Variants in ATP2B1 observed in about 807,000 individuals in gnomAD.
The protein encoded by ATP2B1 is plasma membrane calcium-transporting ATPase 1.
In ATP2B1, 14 loss-of-function variants were observed where a neutral mutation model predicts 124.2. The ratio of observed to expected loss-of-function variants is 0.11; its 90% CI spans 0.07 to 0.18. ATP2B1 has a LOEUF of 0.18. Among genes scored for constraint, ATP2B1 ranks in the 10% least tolerant of loss-of-function variants. The pLI is 1.00. For missense variants in ATP2B1, 763 were observed against 1,466.1 expected (o/e 0.52, Z 7.83); for synonymous variants, 449 against 492.4 (o/e 0.91, Z 1.17).
intron 1 of ATP2B1, among the ~76,000 whole-genome samples, chr12:89,686,927 C>T (rs952450609): frequency 6.6e-6 from 1 of 151,942 alleles, no homozygotes; most frequent in African/African-American, 2.4e-5. Flanking sequence ...TAATATAATA[C>T]TCCTCCTGGG....
At chr12:89,614,322 T>C (rs1420628751) in intron 12 of ATP2B1, among the ~76,000 whole-genome samples, 1 of 152,100 alleles carries the variant, frequency 6.6e-6, no homozygotes, top group African/African-American at 2.4e-5. Flanking sequence ...CTGGGCAACA[T>C]AGGAAGACTC....
intron 1 of ATP2B1, among the ~76,000 whole-genome samples, chr12:89,664,945 C>A (rs57080948): frequency 2.0e-5 from 3 of 151,524 alleles, no homozygotes; most frequent in African/African-American, 7.3e-5. Context: ...TGGGTTCAAG[C>A]GATTCTCATG....
At chr12:89,650,398 C>T (rs1364308041) in intron 2 of ATP2B1, among the ~76,000 whole-genome samples, 1 of 152,084 alleles carries the variant, frequency 6.6e-6, no homozygotes, top group Non-Finnish European at 1.5e-5. Flanking sequence ...CGTCACTGTG[C>T]ACTAGACATA....
chr12:89,648,924 G>A (rs1884871419), intron 2 of ATP2B1, among the ~76,000 whole-genome samples: 3 of 152,254 alleles, frequency 2.0e-5, no homozygotes, highest in African/African-American at 7.2e-5. Context: ...CACAGCTCTG[G>A]AGGGTGCAAG....
intron 1 of ATP2B1, among the ~76,000 whole-genome samples, chr12:89,707,701 G>C (rs1301735684): frequency 4.6e-5 from 7 of 152,162 alleles, no homozygotes; most frequent in Non-Finnish European, 1.5e-5. Flanking sequence ...AGCGCACAGG[G>C]TGCGAGCACT....
In ATP2B1 at chr12:89,650,669, A is replaced by C. The variant is rs11830875; in HGVS notation, c.208+5010T>G. Reference sequence around the variant, plus strand: ...AGAATACCACTTGGCACCTGCCTTTAATTTTTATGAATTCATTTATAAAAA... The same window carrying C: ...AGAATACCACTTGGCACCTGCCTTTCATTTTTATGAATTCATTTATAAAAA... On this transcript the variant is annotated intron_variant, in intron 2 of 20. Coordinates refer to ENST00000428670, the MANE Select transcript of ATP2B1 (RefSeq NM_001366521.1). Among the ~76,000 whole-genome samples the C allele has an allele frequency of 6.1e-3, 934 of 152,250 alleles. 15 individuals are homozygous for C. Among genetic ancestry groups the C allele is most frequent in the African/African-American group, 0.022 (913 of 41,540 alleles).
intron 1 of ATP2B1, among the ~76,000 whole-genome samples, chr12:89,672,404 A>G (rs1254517779): frequency 6.6e-6 from 1 of 152,144 alleles, no homozygotes; most frequent in Non-Finnish European, 1.5e-5. Context: ...CAGTGAGCTG[A>G]TATCACGCTA....
At chr12:89,673,828 C>G (rs1359912367) in intron 1 of ATP2B1, among the ~76,000 whole-genome samples, 1 of 152,080 alleles carries the variant, frequency 6.6e-6, no homozygotes, top group Non-Finnish European at 1.5e-5. Flanking sequence ...ACCAGTGGTA[C>G]AGGGGGTGTC....
chr12:89,603,386 G>A lies in ATP2B1; in HGVS notation c.2849-132C>T. Reference sequence around the variant, plus strand: ...AGCATGGAAGGAGCTAGAGAAACCTGGGATTATCTAGTACAACTCTCTTGT... The same window carrying A: ...AGCATGGAAGGAGCTAGAGAAACCTAGGATTATCTAGTACAACTCTCTTGT... On this transcript the variant is annotated intron_variant, in intron 17 of 20. Transcript: ENST00000428670. This position sits in a 1 kb window ranked among gnomAD's most constrained non-coding sequence, Gnocchi z 4.3. 5 of 765,112 alleles carry A rather than the reference G, an allele frequency of 6.5e-6. No individual in the cohort carries two copies. The highest frequency in any genetic ancestry group is 1.0e-5 in the Non-Finnish European group (5 of 489,706). The allele number at this position is 765,112 out of a possible 1,614,324, so 47.4% of individuals were successfully genotyped here.
chr12:89,667,998 G>C (rs1192037228), intron 1 of ATP2B1, among the ~76,000 whole-genome samples: 9 of 152,150 alleles, frequency 5.9e-5, no homozygotes, highest in East Asian at 5.8e-4. Flanking sequence ...TGTTAGCCAG[G>C]TACGTGACTT....
At chr12:89,629,197 A>G (rs1881438788) in intron 6 of ATP2B1, among the ~76,000 whole-genome samples, 1 of 152,214 alleles carries the variant, frequency 6.6e-6, no homozygotes, top group Non-Finnish European at 1.5e-5. Flanking sequence ...GATGGAGCAC[A>G]GCATAAAAGG....
At chr12:89,683,480 C>T (rs1889605748) in intron 1 of ATP2B1, among the ~76,000 whole-genome samples, 1 of 152,352 alleles carries the variant, frequency 6.6e-6, no homozygotes, top group South Asian at 2.1e-4. Flanking sequence ...CAAAGAGAGG[C>T]CATGTGTACA....
upstream of ATP2B1, chr12:89,708,951 C>A (rs898623261): frequency 3.3e-5 from 5 of 151,614 alleles, no homozygotes; most frequent in African/African-American, 1.2e-4. Context: ...GCCTCCTCGG[C>A]TCCGCAGAGC....
chr12:89,660,931 T>G (rs181127590), intron 1 of ATP2B1, among the ~76,000 whole-genome samples: 1 of 152,272 alleles, frequency 6.6e-6, no homozygotes, highest in East Asian at 1.9e-4. Context: ...TTAAGTCAAA[T>G]TTTGATTAGT....
rs145850749 is a variant in ATP2B1 at position 89,688,523 on chromosome 12, T to C, written c.-222+20073A>G. Among the ~76,000 whole-genome samples the C allele has an allele frequency of 3.6e-3, 553 of 152,204 alleles. 5 individuals carry two copies. The highest frequency in any genetic ancestry group is 0.013 in the African/African-American group (535 of 41,550). On this transcript the variant is annotated intron_variant, in intron 1 of 20. Transcript: ENST00000428670. ...TAAATGGACAGACAATAAATTTCAT[T>C]TTATATAGGACAGAGACTACCTGCT...
At chr12:89,612,457 G>C (rs1878186269) in intron 12 of ATP2B1, among the ~76,000 whole-genome samples, 1 of 151,740 alleles carries the variant, frequency 6.6e-6, no homozygotes, top group African/African-American at 2.4e-5. Flanking sequence ...CGAGACAAAT[G>C]CCTAATGAAA....
In ATP2B1 at chr12:89,624,404, G is replaced by A; in HGVS notation, c.1130-7C>T. On this transcript the variant is annotated splice_region_variant and splice_polypyrimidine_tract_variant and intron_variant, in intron 8 of 20. Coordinates refer to ENST00000428670, the MANE Select transcript of ATP2B1 (RefSeq NM_001366521.1). ...ATGGCAGACATCAACAGACCTTTCA[G>A]AATAGAAATGAAAGAAAAATGTGAT... 6.3e-7 allele frequency: 1 copy of A among 1,596,722 alleles called. No homozygotes were observed. Among genetic ancestry groups the A allele is most frequent in the Non-Finnish European group, 8.6e-7 (1 of 1,169,210 alleles).
intron 1 of ATP2B1, among the ~76,000 whole-genome samples, chr12:89,705,681 C>G (rs1275814805): frequency 6.6e-6 from 1 of 152,132 alleles, no homozygotes; most frequent in Non-Finnish European, 1.5e-5. Context: ...TATATAACAA[C>G]ATATAATTAC....
intron 9 of ATP2B1, among the ~76,000 whole-genome samples, chr12:89,623,708 A>C (rs1880369780): frequency 6.6e-6 from 1 of 152,242 alleles, no homozygotes; most frequent in Non-Finnish European, 1.5e-5. Context: ...AGGTAAGCAA[A>C]GGCCAGACTG....
Sources: allele counts gnomAD v4.1 joint callset (sites outside exome capture counted in the v4.1 genomes callset), GRCh38; gene constraint gnomAD v4.1.1; non-coding constraint Gnocchi (gnomAD v3.1); transcripts MANE v1.5; gene names NCBI Gene and HGNC (gene_info 2026-07-23, HGNC 2026-07-21).